NBEA: variants seen among roughly 807,000 people sequenced by gnomAD.
NBEA encodes lysosomal-trafficking regulator 2.
NBEA carries 44 observed loss-of-function variants against 343.4 expected under a neutral mutation model. The observed-to-expected ratio is 0.13, with a 90% CI of 0.10 to 0.16. The LOEUF (loss-of-function observed/expected upper bound fraction) is 0.16. Ranked by LOEUF, NBEA falls within the 10% of genes least tolerant of loss-of-function variation. The pLI, the probability that NBEA is intolerant of heterozygous loss-of-function variation, is 1.00. For missense variants in NBEA, 2,555 were observed against 3,631.3 expected, an observed-to-expected ratio of 0.70 and a Z score of 7.62; for synonymous variants, 1,175 against 1,238.7, an observed-to-expected ratio of 0.95 and a Z score of 1.08.
chr13:35,235,128 T>C (rs1453838639), intron 34 of NBEA, among the ~76,000 whole-genome samples: 1 of 152,168 alleles, frequency 6.6e-6, no homozygotes, highest in Non-Finnish European at 1.5e-5. Context: ...GGTGGCATCA[T>C]AGTTACGGAT....
intron 17 of NBEA, among the ~76,000 whole-genome samples, chr13:35,126,799 T>C (rs886081795): frequency 4.6e-5 from 7 of 151,530 alleles, no homozygotes; most frequent in African/African-American, 1.7e-4. Context: ...GTGCCTGTCA[T>C]CCCAGCTACT....
At chr13:35,366,164 A>G (rs896382203) in intron 38 of NBEA, among the ~76,000 whole-genome samples, 1 of 151,618 alleles carries the variant, frequency 6.6e-6, no homozygotes, top group Non-Finnish European at 1.5e-5. Context: ...CGACCTTGAC[A>G]TGATAGCATT....
chr13:35,483,139 C>A (rs186284909), intron 41 of NBEA, among the ~76,000 whole-genome samples: 3 of 151,894 alleles, frequency 2.0e-5, no homozygotes. Flanking sequence ...GTTTAATTTT[C>A]ATGTATGTGA....
At chr13:35,134,601 A>G (rs1468841699) in intron 17 of NBEA, among the ~76,000 whole-genome samples, 1 of 152,000 alleles carries the variant, frequency 6.6e-6, no homozygotes, top group African/African-American at 2.4e-5. Flanking sequence ...TTCATAGCAA[A>G]AACTCTTATC....
intron 36 of NBEA, among the ~76,000 whole-genome samples, chr13:35,329,397 C>T (rs1288526902): frequency 3.3e-5 from 5 of 151,912 alleles, no homozygotes; most frequent in African/African-American, 1.2e-4. Flanking sequence ...TGTGAATATT[C>T]GTAGCAGTTT....
intron 55 of NBEA, among the ~76,000 whole-genome samples, chr13:35,664,308 G>A (rs2085245631): frequency 6.6e-6 from 1 of 152,272 alleles, no homozygotes; most frequent in Middle Eastern, 3.4e-3. Flanking sequence ...AAAGTACAGA[G>A]TGGTTCTCTG....
At chr13:35,318,609 G>A (rs1485388227) in intron 36 of NBEA, among the ~76,000 whole-genome samples, 2 of 152,120 alleles carry the variant, frequency 1.3e-5, no homozygotes, top group African/African-American at 4.8e-5. Context: ...GATGATGTTG[G>A]CCTCATAAAA....
chr13:35,292,576 G>A (rs1333944061), intron 35 of NBEA, among the ~76,000 whole-genome samples: 1 of 151,962 alleles, frequency 6.6e-6, no homozygotes, highest in Non-Finnish European at 1.5e-5. Context: ...CTTGAAAGCT[G>A]CAGAGTTCTG....
chr13:35,473,480 G>T (rs772773902), intron 41 of NBEA, among the ~76,000 whole-genome samples: 4 of 152,120 alleles, frequency 2.6e-5, no homozygotes, highest in Non-Finnish European at 4.4e-5. Context: ...GTAGACTAGA[G>T]CTGAAATCCA....
rs749616067 is a variant in NBEA, at chr13:35,110,761, T to C, written c.1834-49T>C. 2.0e-6 allele frequency: 3 copies of C among 1,489,306 alleles called. No homozygotes were observed. In the Admixed American group the frequency reaches 5.5e-5, roughly 27 times the overall value. The allele number at this position is 1,489,306 out of a possible 1,614,324, so 92.3% of individuals were successfully genotyped here. ...AACTGAATGTATATAATATGAGCAC[T>C]TGAGGCATTTTAAATTCATTTTAAT... On this transcript the variant is annotated intron_variant, in intron 12 of 58. Transcript: ENST00000379939.
Position 35,672,078 on chromosome 13 carries a change from A to C in NBEA, c.*1087A>C, listed in dbSNP as rs568240943. 2 of 152,798 alleles carry C rather than the reference A, an allele frequency of 1.3e-5. No individual in the cohort carries two copies. The highest frequency in any genetic ancestry group is 4.8e-5 in the African/African-American group (2 of 41,592). The allele number at this position is 152,798 out of a possible 1,614,324, so 9.5% of individuals were successfully genotyped here. A position where few individuals can be genotyped will look rare whatever the true frequency, so the allele number is the denominator to read the frequency against. ...TCTCGTGAAATTCTCACTGAAAGCC[A>C]CATTCTTAGCCTAAGGCATTTCATC... On this transcript the variant is annotated 3_prime_UTR_variant, in exon 59 of 59. Coordinates refer to ENST00000379939, the MANE Select transcript of NBEA (RefSeq NM_001385012.1).
At chr13:35,369,768 A>G (rs1812630888) in intron 38 of NBEA, among the ~76,000 whole-genome samples, 1 of 151,900 alleles carries the variant, frequency 6.6e-6, no homozygotes, top group Admixed American at 6.6e-5. Flanking sequence ...AGGTTTTTCT[A>G]GATATAAGAT....
intron 18 of NBEA, among the ~76,000 whole-genome samples, chr13:35,151,125 A>AG (rs2068755562): frequency 6.6e-6 from 1 of 151,180 alleles, no homozygotes; most frequent in African/African-American, 2.4e-5. Context: ...AAAAAAAAAA[A>AG]AAAAAGAAAA....
At chr13:34,984,894 C>G (rs2060491046) in intron 1 of NBEA, among the ~76,000 whole-genome samples, 1 of 150,918 alleles carries the variant, frequency 6.6e-6, no homozygotes, top group African/African-American at 2.4e-5. Flanking sequence ...ATTTTGTATC[C>G]TGAGACTTTG....
rs139132684 is a variant in NBEA, at chr13:35,106,067, G to A, written c.1681-3223G>A. Among the ~76,000 whole-genome samples, 463 of 152,018 alleles carry A rather than the reference G, an allele frequency of 3.0e-3. 2 individuals are homozygous for A. Among genetic ancestry groups the A allele is most frequent in the Non-Finnish European group, 4.5e-3 (308 of 67,902 alleles). On this transcript the variant is annotated intron_variant, in intron 11 of 58. Transcript: ENST00000379939. The stretch of plus-strand genomic sequence containing the variant: ...ACGCAACTATTTGTATAACTTCTTA[G>A]ATATTATTTCCAAATATGGTTAGCC...
intron 52 of NBEA, among the ~76,000 whole-genome samples, chr13:35,651,153 G>T (rs1307994183): frequency 6.6e-6 from 1 of 152,174 alleles, no homozygotes; most frequent in Non-Finnish European, 1.5e-5. Flanking sequence ...TGAAAGTGTT[G>T]TATATATTGT....
At chr13:35,487,495 A>G (rs980992813) in intron 41 of NBEA, among the ~76,000 whole-genome samples, 20 of 151,936 alleles carry the variant, frequency 1.3e-4, no homozygotes, top group African/African-American at 4.6e-4. Flanking sequence ...AGGATAATGC[A>G]ATGTAACCCT....
intron 35 of NBEA, among the ~76,000 whole-genome samples, chr13:35,308,445 T>TGTATATAC (rs2037053569): frequency 3.4e-5 from 1 of 29,208 alleles, no homozygotes; most frequent in Non-Finnish European, 7.9e-5. Context: ...TTACTATATA[T>TGTATATAC]ATATATATAT....
At chr13:35,164,575 G>A in intron 24 of NBEA, 66 bp downstream of exon 24, 1 of 1,491,424 alleles carries the variant, frequency 6.7e-7, no homozygotes. Context: ...TTTCAGTGGT[G>A]GTCTAGGCTA....
Sources: allele counts gnomAD v4.1 joint callset (sites outside exome capture counted in the v4.1 genomes callset), GRCh38; gene constraint gnomAD v4.1.1; transcripts MANE v1.5; gene names NCBI Gene and HGNC (gene_info 2026-07-23, HGNC 2026-07-21).